Variants in DISC1 observed in about 807,000 individuals in gnomAD.
The protein encoded by DISC1 is DISC1 scaffold protein.
DISC1 carries 57 observed loss-of-function variants against 84.5 expected under a neutral mutation model. That is an observed-to-expected ratio of 0.67 (90% CI 0.55 to 0.84). The LOEUF (loss-of-function observed/expected upper bound fraction) is 0.84, where lower values mean the gene tolerates loss of function less well. Among genes scored for constraint, DISC1 ranks in the 40% least tolerant of loss-of-function variants. The probability of loss-of-function intolerance (pLI) is 0.00; values close to 1 mark genes in which losing one functional copy is unlikely to be tolerated. For missense variants in DISC1, 1,000 were observed against 1,057.8 expected, an observed-to-expected ratio of 0.95 and a Z score of 0.76; for synonymous variants, 411 against 415.2, an observed-to-expected ratio of 0.99 and a Z score of 0.12.
intron 5 of DISC1, among the ~76,000 whole-genome samples, chr1:231,769,958 T>C (rs934591842): frequency 3.3e-5 from 5 of 152,074 alleles, no homozygotes; most frequent in African/African-American, 4.8e-5. Flanking sequence ...CTTTAGTAAC[T>C]CCCAATTCTT....
chr1:231,942,649 A>G lies in DISC1; in HGVS notation c.1982-16179A>G, dbSNP rs528628193. 1.3e-3 allele frequency among the ~76,000 whole-genome samples: 194 copies of G among 152,296 alleles called. 1 individual carries two copies. Among genetic ancestry groups the G allele is most frequent in the African/African-American group, 4.6e-3 (192 of 41,566 alleles). On this transcript the variant is annotated intron_variant, in intron 9 of 12. Transcript: ENST00000439617. Reference sequence around the variant, plus strand: ...CACTGCACTCCAGCCTGGGCAACAGAGTGAGACTGTCTCAAAAATAAAATA... The same window carrying G: ...CACTGCACTCCAGCCTGGGCAACAGGGTGAGACTGTCTCAAAAATAAAATA...
At chr1:231,921,456 T>C (rs1201062484) in intron 9 of DISC1, among the ~76,000 whole-genome samples, 1 of 152,198 alleles carries the variant, frequency 6.6e-6, no homozygotes, top group African/African-American at 2.4e-5. Flanking sequence ...TCCATTTTAT[T>C]CTGGTAAATT....
chr1:231,898,962 CA>C (rs1328670255), intron 9 of DISC1, among the ~76,000 whole-genome samples: 1 of 148,890 alleles, frequency 6.7e-6, no homozygotes, highest in Non-Finnish European at 1.5e-5. Flanking sequence ...TGAAACAAAA[CA>C]AAAAAAACCC....
At chr1:231,706,599 T>C (rs1312984063) in intron 3 of DISC1, among the ~76,000 whole-genome samples, 1 of 152,264 alleles carries the variant, frequency 6.6e-6, no homozygotes, top group African/African-American at 2.4e-5. Flanking sequence ...AGCAGCTGGC[T>C]TCACTCTGCT....
rs541345814 is a variant in DISC1 at position 231,926,395 on chromosome 1, C to A, written c.1982-32433C>A. ...ATACAAAATTCTGGAAAGGAAGACT[C>A]ACAATGCCAGATCAAGTATTGCAAC... is the stretch of plus-strand genomic sequence containing the variant. On this transcript the variant is annotated intron_variant, in intron 9 of 12. Transcript: ENST00000439617. 2.0e-5 allele frequency among the ~76,000 whole-genome samples: 3 copies of A among 152,280 alleles called. No individual in the cohort carries two copies. The South Asian group carries it at 6.2e-4, about 32-fold the overall frequency.
intron 10 of DISC1, among the ~76,000 whole-genome samples, chr1:231,959,763 G>A (rs1660119208): frequency 6.6e-6 from 1 of 152,160 alleles, no homozygotes; most frequent in South Asian, 2.1e-4. Flanking sequence ...ATCTTTCCCT[G>A]CTTCCCATGC....
chr1:231,827,931 C>T (rs557805323), intron 9 of DISC1, among the ~76,000 whole-genome samples: 1 of 152,168 alleles, frequency 6.6e-6, no homozygotes, highest in African/African-American at 2.4e-5. Context: ...CAGGTATGCT[C>T]ATATTCCACA....
At chr1:231,948,761 T>C (rs1427487295) in intron 9 of DISC1, among the ~76,000 whole-genome samples, 1 of 152,048 alleles carries the variant, frequency 6.6e-6, no homozygotes, top group Non-Finnish European at 1.5e-5. Flanking sequence ...AAGTGAGGGT[T>C]CTCTATCATG....
chr1:231,843,345 G>C (rs142539696), intron 9 of DISC1, among the ~76,000 whole-genome samples: 10 of 152,274 alleles, frequency 6.6e-5, no homozygotes, highest in African/African-American at 2.2e-4. Flanking sequence ...GAATTAGGCA[G>C]GGGCCAGGTG....
chr1:231,665,553 C>T (rs1271008053), intron 1 of DISC1, among the ~76,000 whole-genome samples: 4 of 152,182 alleles, frequency 2.6e-5, no homozygotes, highest in African/African-American at 7.2e-5. Flanking sequence ...AAGTAAAGTA[C>T]AGTAGTGTAA....
intron 1 of DISC1, chr1:231,670,685 T>G (rs775411790): frequency 7.9e-5 from 12 of 152,254 alleles, no homozygotes; most frequent in Admixed American, 1.3e-4. Context: ...TTACGAAAGA[T>G]TCCCATGAAG....
intron 7 of DISC1, among the ~76,000 whole-genome samples, chr1:231,796,263 T>C (rs1024694535): frequency 1.3e-5 from 2 of 152,118 alleles, no homozygotes; most frequent in Admixed American, 6.6e-5. Context: ...CTGTGAATTA[T>C]GACTAAATGT....
At chr1:231,779,681 G>A (rs1290108029) in intron 6 of DISC1, among the ~76,000 whole-genome samples, 2 of 147,206 alleles carry the variant, frequency 1.4e-5, no homozygotes, top group Non-Finnish European at 3.0e-5. Flanking sequence ...TGCCTCAGCC[G>A]CCGGAGTAGC....
At chr1:231,901,595 A>G (rs17821576) in intron 9 of DISC1, among the ~76,000 whole-genome samples, 3,600 of 152,326 alleles carry the variant, frequency 0.024, 49 homozygotes, top group South Asian at 0.059. Flanking sequence ...TAATGAAATC[A>G]GGCTTGTATG....
At chr1:231,931,880 G>T (rs1187714103) in intron 9 of DISC1, among the ~76,000 whole-genome samples, 1 of 151,988 alleles carries the variant, frequency 6.6e-6, no homozygotes, top group Non-Finnish European at 1.5e-5. Context: ...TTGAACTCCT[G>T]ACCTCAAGCA....
At chr1:231,633,273 A>C (rs2058894142) in intron 1 of DISC1, among the ~76,000 whole-genome samples, 5 of 152,194 alleles carry the variant, frequency 3.3e-5, no homozygotes, top group Admixed American at 2.0e-4. Flanking sequence ...TAAATTAAAA[A>C]CTTGCTAAAA....
intron 3 of DISC1, 25 bp downstream of exon 3, chr1:231,702,049 T>C: frequency 6.3e-7 from 1 of 1,596,278 alleles, no homozygotes; most frequent in Non-Finnish European, 8.5e-7. Flanking sequence ...GTTTATTGAT[T>C]GTTTTGTCAT....
intron 3 of DISC1, among the ~76,000 whole-genome samples, chr1:231,705,479 G>C (rs1472959733): frequency 6.6e-6 from 1 of 151,830 alleles, no homozygotes; most frequent in Non-Finnish European, 1.5e-5. Context: ...GGGGGATTCC[G>C]GCAAAGAGAA....
chr1:231,735,844 G>T (rs187655443), intron 3 of DISC1, among the ~76,000 whole-genome samples: 1 of 152,162 alleles, frequency 6.6e-6, no homozygotes, highest in African/African-American at 2.4e-5. Context: ...TCGGGGTCTG[G>T]CTCTGTTGCC....
Sources: allele counts gnomAD v4.1 joint callset (sites outside exome capture counted in the v4.1 genomes callset), GRCh38; gene constraint gnomAD v4.1.1; transcripts MANE v1.5; gene names NCBI Gene and HGNC (gene_info 2026-07-23, HGNC 2026-07-21).